The following CSN3 variants were observed in gnomAD, a reference collection of about 807,000 sequenced individuals.
The protein encoded by CSN3 is kappa-casein.
CSN3 carries 7 observed loss-of-function variants against 9.9 expected under a neutral mutation model. The observed-to-expected ratio is 0.71, with a 90% CI of 0.40 to 1.33. The LOEUF is 1.33. CSN3 is among the 40% of genes most tolerant of loss of function. The pLI is 0.01. For synonymous variants in CSN3, 88 were observed against 82.3 expected (o/e 1.07, Z -0.37); for missense variants, 253 against 227.9 (o/e 1.11, Z -0.71).
intron 3 of CSN3, 91 bp from the exon 4 acceptor site, chr4:70,248,907 A>G (rs1220705248): frequency 7.9e-6 from 7 of 886,314 alleles, no homozygotes; most frequent in Non-Finnish European, 1.2e-5. Flanking sequence ...TCAATGGTAA[A>G]TACTATATTA....
chr4:70,246,276 T>A, intron 2 of CSN3, among the ~76,000 whole-genome samples: 1 of 152,198 alleles, frequency 6.6e-6, no homozygotes, highest in East Asian at 1.9e-4. Context: ...TTGACACAAC[T>A]TTTCTATACC....
At chr4:70,246,224 A>C (rs1244656420) in intron 2 of CSN3, among the ~76,000 whole-genome samples, 2 of 152,192 alleles carry the variant, frequency 1.3e-5, no homozygotes, top group Non-Finnish European at 2.9e-5. Flanking sequence ...GCACTTATGC[A>C]CTAAACTGCA....
chr4:70,238,942 A>G (rs1420245397), upstream of CSN3, among the ~76,000 whole-genome samples: 1 of 151,836 alleles, frequency 6.6e-6, no homozygotes, highest in Non-Finnish European at 1.5e-5. Context: ...TGTTTTGTTC[A>G]TGATAATTTG....
chr4:70,243,622 G>A (rs1179674069), intron 1 of CSN3, among the ~76,000 whole-genome samples: 1 of 151,988 alleles, frequency 6.6e-6, no homozygotes, highest in Non-Finnish European at 1.5e-5. Flanking sequence ...AGTGATTCAA[G>A]TTTATATGAG....
In CSN3 at chr4:70,244,069, A is replaced by G. The variant is rs182881656; in HGVS notation, c.-8-743A>G. Among the ~76,000 whole-genome samples the G allele has an allele frequency of 2.0e-4, 30 of 152,214 alleles. No homozygotes were observed. In the East Asian group the frequency reaches 5.4e-3, roughly 27 times the overall value. The stretch of plus-strand genomic sequence containing the variant: ...ATGTAAAGCCCAGGAAAGGGAAATC[A>G]CTTGATCAAAGTTACAGAGGTAGAG... On this transcript the variant is annotated intron_variant, in intron 1 of 4. Transcript: ENST00000304954.
intron 2 of CSN3, among the ~76,000 whole-genome samples, chr4:70,245,590 T>A (rs1849716): frequency 0.11 from 17,252 of 152,132 alleles, 1,292 homozygotes; most frequent in East Asian, 0.27. Context: ...CTTTTTATTT[T>A]CTTGTTCATC....
chr4:70,241,863 A>C (rs1730277124), upstream of CSN3, among the ~76,000 whole-genome samples: 1 of 152,084 alleles, frequency 6.6e-6, no homozygotes, highest in African/African-American at 2.4e-5. Flanking sequence ...CTGCAGCCCA[A>C]ACGCAAATGA....
At chr4:70,243,261 C>A (rs1730307540) in intron 1 of CSN3, 5 of 580,372 alleles carry the variant, frequency 8.6e-6, no homozygotes, top group Non-Finnish European at 8.7e-6. Flanking sequence ...AGAATATTTT[C>A]TTTTGTTTAC....
chr4:70,242,070 CAATT>C (rs1211335249), upstream of CSN3, among the ~76,000 whole-genome samples: 3 of 151,816 alleles, frequency 2.0e-5, no homozygotes, highest in African/African-American at 2.4e-5. Flanking sequence ...CTAAAAGAAA[CAATT>C]AAAATGTGAA....
chr4:70,246,957 C>A (rs1444192238), intron 2 of CSN3, among the ~76,000 whole-genome samples: 1 of 152,042 alleles, frequency 6.6e-6, no homozygotes, highest in Non-Finnish European at 1.5e-5. Flanking sequence ...CAGGGTGAGA[C>A]ATGTGCCCGG....
upstream of CSN3, among the ~76,000 whole-genome samples, chr4:70,240,766 G>A (rs1000965362): frequency 2.6e-5 from 4 of 151,918 alleles, no homozygotes; most frequent in African/African-American, 9.7e-5. Flanking sequence ...ACCTGCTTTG[G>A]TTACTAATTT....
intron 2 of CSN3, among the ~76,000 whole-genome samples, chr4:70,245,944 G>A (rs1419959213): frequency 6.6e-6 from 1 of 152,086 alleles, no homozygotes; most frequent in Admixed American, 6.6e-5. Context: ...TTTAAATCAT[G>A]AAATGATCTA....
rs77286242 is a variant in CSN3 at position 70,246,514 on chromosome 4, T to G, written c.55-1304T>G. 2.6e-3 allele frequency among the ~76,000 whole-genome samples: 388 copies of G among 151,964 alleles called. 2 individuals carry two copies. Among genetic ancestry groups the G allele is most frequent in the South Asian group, 9.3e-3 (45 of 4,814 alleles). The stretch of plus-strand genomic sequence containing the variant: ...AAATGTAACTATGAAACCTATGATA[T>G]AAATAAAAAAAAGAGACACCACATT... On this transcript the variant is annotated intron_variant, in intron 2 of 4. Transcript: ENST00000304954.
chr4:70,239,361 T>C (rs1461066750), upstream of CSN3, among the ~76,000 whole-genome samples: 1 of 151,922 alleles, frequency 6.6e-6, no homozygotes, highest in African/African-American at 2.4e-5. Context: ...ATCGTTGATC[T>C]GGCTGTTTAT....
intron 2 of CSN3, among the ~76,000 whole-genome samples, chr4:70,247,176 A>C (rs1315723770): frequency 6.6e-6 from 1 of 152,132 alleles, no homozygotes; most frequent in African/African-American, 2.4e-5. Flanking sequence ...AAAATATTTA[A>C]TATTATACCT....
chr4:70,242,417 C>T (rs1730290781), upstream of CSN3, among the ~76,000 whole-genome samples: 1 of 120,012 alleles, frequency 8.3e-6, no homozygotes, highest in Admixed American at 8.0e-5. Context: ...CCCACTAACT[C>T]GTCATCTAGC....
At chr4:70,240,762 T>A (rs1458133742), upstream of CSN3, among the ~76,000 whole-genome samples, 2 of 152,034 alleles carry the variant, frequency 1.3e-5, no homozygotes, top group Non-Finnish European at 2.9e-5. Flanking sequence ...GTTTACCTGC[T>A]TTGGTTACTA....
intron 2 of CSN3, among the ~76,000 whole-genome samples, chr4:70,246,004 C>T (rs988426538): frequency 2.0e-5 from 3 of 152,032 alleles, no homozygotes; most frequent in Admixed American, 1.3e-4. Context: ...GAGCCGGATT[C>T]GTCTTTCAAA....
chr4:70,246,711 G>A (rs559034803), intron 2 of CSN3, among the ~76,000 whole-genome samples: 6 of 138,856 alleles, frequency 4.3e-5, no homozygotes, highest in Non-Finnish European at 6.1e-5. Context: ...TCGCTTGGTC[G>A]CCCAGGTTGG....
Sources: gnomAD v4.1 joint callset for allele counts (sites outside exome capture counted in the v4.1 genomes callset) on GRCh38, gnomAD v4.1.1 for gene constraint, MANE v1.5 for transcripts, NCBI Gene and HGNC (gene_info 2026-07-23, HGNC 2026-07-21) for gene names.